Variants in CD34 observed in about 807,000 individuals in gnomAD.
The protein encoded by CD34 is hematopoietic progenitor cell antigen CD34.
CD34 carries 34 observed loss-of-function variants against 40.1 expected under a neutral mutation model. The observed-to-expected ratio is 0.85, with a 90% CI of 0.65 to 1.13. CD34 has a LOEUF of 1.13. Ranked by LOEUF, CD34 falls within the 50% of genes most tolerant of loss-of-function variation. The pLI is 0.00. For synonymous variants in CD34, 209 were observed against 190.0 expected (o/e 1.10, Z -0.82); for missense variants, 426 against 466.9 (o/e 0.91, Z 0.81).
chr1:207,909,792 C>T (rs940012937), intron 1 of CD34, among the ~76,000 whole-genome samples: 21 of 152,190 alleles, frequency 1.4e-4, no homozygotes, highest in African/African-American at 4.1e-4. Context: ...CCCCAAAGCA[C>T]ACATCCAGGA....
intron 4 of CD34, chr1:207,889,999 T>C: frequency 1.4e-6 from 2 of 1,416,440 alleles, no homozygotes; most frequent in Non-Finnish European, 1.8e-6. Context: ...GTTTCAAGAT[T>C]ACAGCAGTCC....
At position 207,886,996 on chromosome 1, in the gene CD34, G is replaced by A. The variant is rs537403985; in HGVS notation, c.*742C>T. 1 of 152,552 alleles carries A rather than the reference G, an allele frequency of 6.6e-6. No homozygotes were observed. The highest frequency in any genetic ancestry group is 1.9e-4 in the East Asian group (1 of 5,186). 9.4% of individuals were successfully genotyped at this position (152,552 alleles called of 1,614,324 possible). On this transcript the variant is annotated 3_prime_UTR_variant, in exon 8 of 8. Coordinates refer to ENST00000310833, the MANE Select transcript of CD34 (RefSeq NM_001025109.2). Reference sequence around the variant, plus strand: ...CTGGTCCCATGGTCCTGCCTACTTTGATCCAGAGGGAGAAAAAGGAGCCCA... The same window carrying A: ...CTGGTCCCATGGTCCTGCCTACTTTAATCCAGAGGGAGAAAAAGGAGCCCA...
intron 4 of CD34, among the ~76,000 whole-genome samples, chr1:207,896,604 C>G (rs948373688): frequency 2.0e-5 from 3 of 151,984 alleles, no homozygotes; most frequent in Admixed American, 6.6e-5. Flanking sequence ...ATCTATGTGA[C>G]AAATAGGCCT....
chr1:207,897,461 G>A (rs754451646), intron 4 of CD34, 32 bp downstream of exon 4: 20 of 1,453,826 alleles, frequency 1.4e-5, no homozygotes, highest in Middle Eastern at 1.9e-4. Flanking sequence ...GACAGGGGCG[G>A]GAGGAAGAGG....
Position 207,911,114 on chromosome 1 carries a change from G to A in CD34, c.-34C>T, listed in dbSNP as rs780684933. On this transcript the variant is annotated 5_prime_UTR_variant, in exon 1 of 8. Coordinates refer to ENST00000310833, the MANE Select transcript of CD34 (RefSeq NM_001025109.2). ...CGCGGCTCCTAGAGAGACGCACCGAGTGGAAGACACTACTCGGCTTGGCCA... is the reference window on the plus strand; with the variant it reads ...CGCGGCTCCTAGAGAGACGCACCGAATGGAAGACACTACTCGGCTTGGCCA... The A allele has an allele frequency of 6.5e-7, 1 of 1,545,322 alleles. No homozygotes were observed. Among genetic ancestry groups the A allele is most frequent in the Non-Finnish European group, 8.7e-7 (1 of 1,148,280 alleles).
intron 1 of CD34, 42 bp from the exon 2 acceptor site, chr1:207,900,045 C>G: frequency 1.3e-6 from 2 of 1,487,346 alleles, no homozygotes; most frequent in Non-Finnish European, 1.8e-6. Flanking sequence ...CTAAAGATAT[C>G]AGCCTGGTGA....
chr1:207,899,111 G>A lies in CD34; in HGVS notation c.378C>T (p.Asn126=), dbSNP rs370364374. 8 of 1,614,102 alleles carry A rather than the reference G, an allele frequency of 5.0e-6. No individual in the cohort carries two copies. In the African/African-American group the frequency reaches 9.3e-5, roughly 19 times the overall value. The change falls in exon 3 of 8, where the codon AAC becomes AAT. Residue 126 remains asparagine (N), a synonymous_variant. Coordinates refer to ENST00000310833, the MANE Select transcript of CD34 (RefSeq NM_001025109.2). ...VISTVFTTPA[N]VSTPETTLKP... ...TCAAGGTTGTCTCTGGAGTTGAAAC[G>A]TTGGCTGGGGTGGTGAACACTGTGC...
intron 4 of CD34, 67 bp from the exon 5 acceptor site, chr1:207,889,688 A>G (rs1162475805): frequency 4.4e-6 from 7 of 1,609,156 alleles, no homozygotes; most frequent in Non-Finnish European, 5.1e-6. Flanking sequence ...CTGCACCCAG[A>G]GTCTCTGATT....
Position 207,883,865 on chromosome 1 carries a change from C to T in CD34, c.*3873G>A, listed in dbSNP as rs1034773673. ...ATGATCACCTGCTCCCAGCCATGAT[C>T]GTTCTTCTTGCTACGGTCTCCTTCT... On this transcript the variant is annotated 3_prime_UTR_variant, in exon 8 of 8. Coordinates refer to ENST00000310833, the MANE Select transcript of CD34 (RefSeq NM_001025109.2). The T allele has an allele frequency of 1.3e-5, 2 of 152,146 alleles. No homozygotes were observed. Among genetic ancestry groups the T allele is most frequent in the Non-Finnish European group, 2.9e-5 (2 of 68,036 alleles). 9.4% of individuals were successfully genotyped at this position (152,146 alleles called of 1,614,324 possible). A position where few individuals can be genotyped will look rare whatever the true frequency, so the allele number is the denominator to read the frequency against.
At chr1:207,903,070 C>A (rs1254315804) in intron 1 of CD34, among the ~76,000 whole-genome samples, 1 of 152,178 alleles carries the variant, frequency 6.6e-6, no homozygotes, top group African/African-American at 2.4e-5. Context: ...CTGGAAATGC[C>A]TGAGCTGGTG....
rs377589205 is a variant in CD34 at position 207,911,027 on chromosome 1, G to A, written c.54C>T (p.Thr18=). The A allele has an allele frequency of 1.9e-6, 3 of 1,593,028 alleles. No individual in the cohort carries two copies. The highest frequency in any genetic ancestry group is 2.3e-5 in the South Asian group (2 of 88,606). ...GCAGCAAACTCAGCAAGCAAAGCGC[G>A]GTCCAGCCCCGCGGCATCCTGGGCC... ...RAGPRMPRGW[T]ALCLLSLLPS... Residue 18 remains threonine (T), a synonymous_variant, in exon 1 of 8, where the codon ACC becomes ACT. Coordinates refer to ENST00000310833, the MANE Select transcript of CD34 (RefSeq NM_001025109.2).
rs762317759 is a variant in CD34, at chr1:207,897,584, A to G, written c.517-11T>C. The G allele has an allele frequency of 1.1e-4, 170 of 1,543,574 alleles. No individual in the cohort carries two copies. Among genetic ancestry groups the G allele is most frequent in the Non-Finnish European group, 1.4e-4 (156 of 1,140,134 alleles). ...ACATTTGATTTCTGCCTGTATTAAA[A>G]CAAAAACAATAACAAAAACAAAGTA... On this transcript the variant is annotated splice_polypyrimidine_tract_variant and intron_variant, in intron 3 of 7. Transcript: ENST00000310833.
chr1:207,898,588 T>C (rs1319115680), intron 3 of CD34, among the ~76,000 whole-genome samples: 1 of 152,164 alleles, frequency 6.6e-6, no homozygotes. Flanking sequence ...ATGTTATTTG[T>C]CCTAACCATT....
chr1:207,899,303 C>T, intron 2 of CD34, 77 bp from the exon 3 acceptor site: 2 of 1,464,998 alleles, frequency 1.4e-6, no homozygotes, highest in South Asian at 1.2e-5. Context: ...ATGATATGGG[C>T]ATGCACTTCA....
At chr1:207,891,754 G>A (rs1180208274) in intron 4 of CD34, among the ~76,000 whole-genome samples, 1 of 150,830 alleles carries the variant, frequency 6.6e-6, no homozygotes, top group Non-Finnish European at 1.5e-5. Flanking sequence ...GGCCTCACAC[G>A]ACCTACGAGA....
intron 1 of CD34, among the ~76,000 whole-genome samples, chr1:207,909,708 A>G (rs1662461111): frequency 6.6e-6 from 1 of 151,824 alleles, no homozygotes; most frequent in South Asian, 2.1e-4. Flanking sequence ...CGCCCGGCCG[A>G]CTCACTCCTG....
intron 1 of CD34, among the ~76,000 whole-genome samples, chr1:207,905,042 C>G (rs1391446554): frequency 1.3e-5 from 2 of 152,200 alleles, no homozygotes; most frequent in Admixed American, 1.3e-4. Context: ...GTTATTTCAT[C>G]TAGATGGGGG....
rs142899659 is a variant in CD34 at position 207,882,417 on chromosome 1, C to T, written c.*5321G>A. ...CTTTCAATAAGATCCAGTCTTTCAA[C>T]ATAAATCCCAAATTTCCAGATGCAA... is the stretch of plus-strand genomic sequence containing the variant. On this transcript the variant is annotated 3_prime_UTR_variant, in exon 8 of 8. Coordinates refer to ENST00000310833, the MANE Select transcript of CD34 (RefSeq NM_001025109.2). 1 of 152,308 alleles carries T rather than the reference C, an allele frequency of 6.6e-6. No individual in the cohort carries two copies. The highest frequency in any genetic ancestry group is 1.9e-4 in the East Asian group (1 of 5,186). 9.4% of individuals were successfully genotyped at this position (152,308 alleles called of 1,614,324 possible).
rs1285506780 is a variant in CD34 at position 207,888,764 on chromosome 1, G to A, written c.890C>T (p.Ser297Leu). 5.0e-6 allele frequency: 8 copies of A among 1,614,182 alleles called. No individual in the cohort carries two copies. The highest frequency in any genetic ancestry group is 4.5e-5 in the East Asian group (2 of 44,886). Residue 297 changes from serine to leucine, a missense_variant, in exon 7 of 8, where the codon TCG becomes TTG. Coordinates refer to ENST00000310833, the MANE Select transcript of CD34 (RefSeq NM_001025109.2). ...GCCCAAGACAGCCAGCAGGGCTCCC[G>A]AGGTGACCAGTGCAATCAGGGTCTT... ...SQKTLIALVT[S>L]GALLAVLGIT...
Sources: allele counts gnomAD v4.1 joint callset (sites outside exome capture counted in the v4.1 genomes callset), GRCh38; gene constraint gnomAD v4.1.1; transcripts MANE v1.5; gene names NCBI Gene and HGNC (gene_info 2026-07-23, HGNC 2026-07-21).